Variants in ANKFN1 observed in about 807,000 individuals in gnomAD.
ANKFN1 encodes ankyrin repeat and fibronectin type-III domain-containing protein 1.
Under a neutral mutation model 108.7 loss-of-function variants are expected in ANKFN1, and 74 were observed. The observed-to-expected ratio is 0.68, with a 90% CI of 0.56 to 0.83. The LOEUF is 0.83. ANKFN1 is among the 40% of genes least tolerant of loss of function. The pLI is 0.00. For synonymous variants in ANKFN1, 547 were observed against 516.2 expected, an observed-to-expected ratio of 1.06 and a Z score of -0.81; for missense variants, 1,505 against 1,382.3, an observed-to-expected ratio of 1.09 and a Z score of -1.41.
At chr17:56,446,515 C>G (rs1240283132) in intron 10 of ANKFN1, among the ~76,000 whole-genome samples, 1 of 152,224 alleles carries the variant, frequency 6.6e-6, no homozygotes, top group Non-Finnish European at 1.5e-5. Context: ...CCTTTCCTAT[C>G]TTATCCTACC....
At chr17:56,367,078 T>C (rs1041786267) in intron 6 of ANKFN1, among the ~76,000 whole-genome samples, 5 of 152,192 alleles carry the variant, frequency 3.3e-5, no homozygotes, top group Admixed American at 3.3e-4. Context: ...TTTCTCATCA[T>C]TGAAAAACAG....
rs542339212 is a variant in ANKFN1, at chr17:56,515,358, A to G, written c.*4089A>G. On this transcript the variant is annotated 3_prime_UTR_variant, in exon 21 of 21. Transcript: ENST00000682825. ...TTAAACTGTTGCATGGTCACTTTAC[A>G]AAGTCTAAATATTTTTCCAGATGAT... Among the ~76,000 whole-genome samples, 82 of 152,298 alleles carry G rather than the reference A, an allele frequency of 5.4e-4. No individual in the cohort carries two copies. The highest frequency in any genetic ancestry group is 9.3e-4 in the Non-Finnish European group (63 of 68,012).
chr17:56,089,619 C>T (rs1905376529), intron 4 of ANKFN1, among the ~76,000 whole-genome samples: 1 of 151,270 alleles, frequency 6.6e-6, no homozygotes, highest in South Asian at 2.1e-4. Context: ...TTTTCTCCCC[C>T]TAATATAAAT....
chr17:56,431,185 T>C (rs2048742356), intron 8 of ANKFN1, among the ~76,000 whole-genome samples: 1 of 152,108 alleles, frequency 6.6e-6, no homozygotes, highest in Non-Finnish European at 1.5e-5. Flanking sequence ...CTTCCAGAAA[T>C]GATAGGGGAG....
intron 6 of ANKFN1, among the ~76,000 whole-genome samples, chr17:56,358,053 T>A (rs2046420101): frequency 6.6e-6 from 1 of 152,218 alleles, no homozygotes; most frequent in Non-Finnish European, 1.5e-5. Context: ...TTTGGCATGC[T>A]CACTGTTACA....
At chr17:56,467,428 G>A (rs1345726718) in intron 15 of ANKFN1, among the ~76,000 whole-genome samples, 2 of 151,764 alleles carry the variant, frequency 1.3e-5, no homozygotes, top group Non-Finnish European at 2.9e-5. Flanking sequence ...ACCTGTAATC[G>A]TAGCACTTTG....
At chr17:56,081,298 G>A (rs1036664662) in intron 4 of ANKFN1, among the ~76,000 whole-genome samples, 8 of 152,076 alleles carry the variant, frequency 5.3e-5, no homozygotes, top group African/African-American at 1.9e-4. Flanking sequence ...TGAAGGACAA[G>A]TGTGGGGTTT....
At chr17:56,402,093 G>T (rs914945952) in intron 8 of ANKFN1, among the ~76,000 whole-genome samples, 4 of 152,082 alleles carry the variant, frequency 2.6e-5, no homozygotes, top group African/African-American at 4.8e-5. Flanking sequence ...GATTCAGTTA[G>T]CTAGTATTTT....
At chr17:56,145,497 G>A (rs953347909) in intron 4 of ANKFN1, among the ~76,000 whole-genome samples, 2 of 152,142 alleles carry the variant, frequency 1.3e-5, no homozygotes, top group African/African-American at 4.8e-5. Context: ...AGAGCAGCAG[G>A]ATTGAGTGTC....
rs1473364666 is a variant in ANKFN1, at chr17:56,514,779, A to G, written c.*3510A>G. Among the ~76,000 whole-genome samples, 5 of 152,164 alleles carry G rather than the reference A, an allele frequency of 3.3e-5. No individual in the cohort carries two copies. The highest frequency in any genetic ancestry group is 7.2e-5 in the African/African-American group (3 of 41,436). ...ATCCCAAAGCACTTTATGAAAAGCAATGACTGAAGCCTTGTTGTACTCCCC... is the reference window on the plus strand; with the variant it reads ...ATCCCAAAGCACTTTATGAAAAGCAGTGACTGAAGCCTTGTTGTACTCCCC... On this transcript the variant is annotated 3_prime_UTR_variant, in exon 21 of 21. Transcript: ENST00000682825.
At chr17:56,406,707 T>A (rs2047932998) in intron 8 of ANKFN1, among the ~76,000 whole-genome samples, 1 of 152,202 alleles carries the variant, frequency 6.6e-6, no homozygotes, top group Non-Finnish European at 1.5e-5. Context: ...GGCCAAGGGC[T>A]TTTGTAAGAC....
chr17:56,170,103 C>T (rs1910515167), intron 1 of ANKFN1, among the ~76,000 whole-genome samples: 1 of 152,144 alleles, frequency 6.6e-6, no homozygotes, highest in South Asian at 2.1e-4. Context: ...GATTCATTCA[C>T]CTTCTTTGCT....
At chr17:56,402,881 C>T (rs180952367) in intron 8 of ANKFN1, among the ~76,000 whole-genome samples, 229 of 152,180 alleles carry the variant, frequency 1.5e-3, no homozygotes, top group African/African-American at 4.9e-3. Context: ...TGCTGTATCC[C>T]AGAGGTTTCG....
chr17:56,142,875 C>T (rs1307598030), intron 4 of ANKFN1, among the ~76,000 whole-genome samples: 1 of 152,210 alleles, frequency 6.6e-6, no homozygotes, highest in African/African-American at 2.4e-5. Context: ...TACTCACACT[C>T]CACACAAGCC....
intron 3 of ANKFN1, among the ~76,000 whole-genome samples, chr17:56,272,162 A>T (rs1163434408): frequency 6.6e-6 from 1 of 152,226 alleles, no homozygotes; most frequent in African/African-American, 2.4e-5. Flanking sequence ...TACCTTTAGA[A>T]AGTACTATCT....
Position 56,457,932 on chromosome 17 carries a change from G to A in ANKFN1, c.1510G>A (p.Val504Met), listed in dbSNP as rs1274753872. 4.3e-6 allele frequency: 7 copies of A among 1,613,970 alleles called. No individual in the cohort carries two copies. Among genetic ancestry groups the A allele is most frequent in the East Asian group, 2.2e-5 (1 of 44,890 alleles). The change falls in exon 14 of 21, where the codon GTG becomes ATG. Residue 504 changes from valine (V) to methionine (M), a missense_variant. Transcript: ENST00000682825. ...SIPISSSSST[V>M]LQTRQKMLAA... ...ACCAATATCCTCATCCTCATCCACA[G>A]TGCTGCAAACTCGGCAGAAGATGCT...
In ANKFN1 at chr17:56,482,496, T is replaced by C. The variant is rs1243882535; in HGVS notation, c.2232T>C (p.Leu744=). ...CTTACACCCCACACTCAGGGTTTCT[T>C]AACCTCCCTCTTCAGATGTTTGAAC... ...NNPYTPHSGF[L]NLPLQMFELV... The change falls in exon 18 of 21, where the codon CTT becomes CTC. Residue 744 remains leucine, a synonymous_variant. Coordinates refer to ENST00000682825, the MANE Select transcript of ANKFN1 (RefSeq NM_001370326.1). 1.9e-6 allele frequency: 3 copies of C among 1,613,044 alleles called. No homozygotes were observed. The highest frequency in any genetic ancestry group is 2.5e-6 in the Non-Finnish European group (3 of 1,179,460).
At chr17:56,260,585 C>T (rs1295079637) in intron 3 of ANKFN1, among the ~76,000 whole-genome samples, 1 of 152,050 alleles carries the variant, frequency 6.6e-6, no homozygotes, top group Non-Finnish European at 1.5e-5. Context: ...GAATCAGTAA[C>T]ATACGGATTG....
At chr17:56,421,589 CTAA>C (rs2048406282) in intron 8 of ANKFN1, among the ~76,000 whole-genome samples, 1 of 152,160 alleles carries the variant, frequency 6.6e-6, no homozygotes, top group Admixed American at 6.5e-5. Context: ...AAAGCAAATT[CTAA>C]TAATGCATTA....
Sources: gnomAD v4.1 joint callset for allele counts (sites outside exome capture counted in the v4.1 genomes callset) on GRCh38, gnomAD v4.1.1 for gene constraint, MANE v1.5 for transcripts, NCBI Gene and HGNC (gene_info 2026-07-23, HGNC 2026-07-21) for gene names.